Variants in ANTXRL observed in about 807,000 individuals in gnomAD.
ANTXRL encodes the protein anthrax toxin receptor-like.
A neutral mutation model predicts 75.4 loss-of-function variants in ANTXRL; 63 were observed. The ratio of observed to expected loss-of-function variants is 0.84; its 90% CI spans 0.68 to 1.03. The LOEUF (loss-of-function observed/expected upper bound fraction) is 1.03, where lower values mean the gene tolerates loss of function less well. Ranked by LOEUF, ANTXRL falls within the 50% of genes least tolerant of loss-of-function variation. The pLI is 0.00. For synonymous variants in ANTXRL, 335 were observed against 291.3 expected (o/e 1.15, Z -1.53); for missense variants, 797 against 789.4 (o/e 1.01, Z -0.12).
At chr10:46,287,534 C>T in intron 1 of ANTXRL, 24 bp downstream of exon 1, 2 of 1,524,040 alleles carry the variant, frequency 1.3e-6, no homozygotes, top group Non-Finnish European at 1.8e-6. Flanking sequence ...CTAGCTCTGG[C>T]CCTGGGTCAC....
chr10:46,294,231 T>C (rs1837232020), intron 3 of ANTXRL: 3 of 368,738 alleles, frequency 8.1e-6, no homozygotes, highest in East Asian at 1.3e-4. Context: ...GGCGGGGGTG[T>C]GTGTCCTGTG....
At chr10:46,293,700 TCAC>T in intron 2 of ANTXRL, 126 bp from the exon 3 acceptor site, 1 of 752,838 alleles carries the variant, frequency 1.3e-6, no homozygotes, top group African/African-American at 1.7e-5. Flanking sequence ...TACATTTATC[TCAC>T]CTCCTTGTGT....
Position 46,307,426 on chromosome 10 carries a change from G to T in ANTXRL, c.990G>T (p.Leu330Phe). The T allele has an allele frequency of 1.3e-6, 2 of 1,536,218 alleles. No individual in the cohort carries two copies. The highest frequency in any genetic ancestry group is 2.4e-5 in the South Asian group (2 of 84,024). ...GGGAGTACTCTATTGAAGTCAGCTT[G>T]AACAAAGGCAAAACATTCTTCAAGA... ...PGEEYSIEVSLNKGKTFFKSN... is the reference protein window; with the variant it reads ...PGEEYSIEVSFNKGKTFFKSN... The change falls in exon 12 of 17, where the codon TTG (leucine) becomes TTT (phenylalanine). Residue 330 changes from leucine (L) to phenylalanine (F), a missense_variant. Transcript: ENST00000620264.
intron 13 of ANTXRL, among the ~76,000 whole-genome samples, chr10:46,309,917 G>A (rs1476994182): frequency 6.6e-6 from 1 of 152,136 alleles, no homozygotes; most frequent in Middle Eastern, 3.2e-3. Context: ...AGATGGAAGG[G>A]GTGCTGGGAG....
At chr10:46,328,903 A>G (rs1839355774) in intron 16 of ANTXRL, among the ~76,000 whole-genome samples, 1 of 152,102 alleles carries the variant, frequency 6.6e-6, no homozygotes, top group South Asian at 2.1e-4. Flanking sequence ...GACCTTACTT[A>G]TAGTGACCCT....
intron 1 of ANTXRL, among the ~76,000 whole-genome samples, chr10:46,290,100 G>A (rs1411068416): frequency 2.1e-5 from 3 of 142,920 alleles, no homozygotes; most frequent in South Asian, 2.3e-4. Flanking sequence ...GGAGTTCAGC[G>A]GCGCGATCTC....
chr10:46,287,668 G>A (rs1482450789), intron 1 of ANTXRL, among the ~76,000 whole-genome samples, 158 bp downstream of exon 1: 1 of 152,118 alleles, frequency 6.6e-6, no homozygotes, highest in Middle Eastern at 3.2e-3. Context: ...TTTTTCTGAG[G>A]CAGAAAGAAT....
At chr10:46,324,776 G>A (rs1839136381) in intron 16 of ANTXRL, among the ~76,000 whole-genome samples, 1 of 152,102 alleles carries the variant, frequency 6.6e-6, no homozygotes, top group South Asian at 2.1e-4. Context: ...TGTCTGTAGA[G>A]AGCATAACCA....
intron 16 of ANTXRL, among the ~76,000 whole-genome samples, chr10:46,326,508 ATGGCCTTGGC>A (rs1335994315): frequency 6.6e-6 from 1 of 152,102 alleles, no homozygotes; most frequent in Non-Finnish European, 1.5e-5. Flanking sequence ...TTTGAGCACA[ATGGCCTTGGC>A]TGCCCCTAGG....
At chr10:46,293,571 G>T (rs1390996958) in intron 2 of ANTXRL, among the ~76,000 whole-genome samples, 1 of 148,302 alleles carries the variant, frequency 6.7e-6, no homozygotes, top group East Asian at 1.9e-4. Flanking sequence ...GTGCCTGTGT[G>T]TGCGCGTGTG....
intron 13 of ANTXRL, 56 bp downstream of exon 13, chr10:46,309,258 G>C: frequency 6.6e-7 from 1 of 1,524,374 alleles, no homozygotes; most frequent in Non-Finnish European, 8.7e-7. Flanking sequence ...CACCCTCTGA[G>C]GGACTCTAAC....
At chr10:46,293,410 C>A (rs111258922) in intron 2 of ANTXRL, among the ~76,000 whole-genome samples, 24,048 of 133,660 alleles carry the variant, frequency 0.18, 1,653 homozygotes, top group Non-Finnish European at 0.2. Context: ...GAGTGTGTGC[C>A]TGTGTGTGGG....
intron 13 of ANTXRL, 98 bp from the exon 14 acceptor site, chr10:46,310,363 T>C: frequency 8.7e-7 from 1 of 1,154,872 alleles, no homozygotes. Context: ...CAGTGCTCTG[T>C]CCTGGTGCTC....
rs150887384 is a variant in ANTXRL at position 46,309,539 on chromosome 10, C to G, written c.1134+337C>G. 3.9e-3 allele frequency among the ~76,000 whole-genome samples: 596 copies of G among 152,320 alleles called. 4 individuals are homozygous for G. Among genetic ancestry groups the G allele is most frequent in the African/African-American group, 0.014 (580 of 41,564 alleles). ...CAACAATCCAGACTTCTGGAAGCCT[C>G]AGATGGACAAGGGCCAGGAGGTGGC... On this transcript the variant is annotated intron_variant, in intron 13 of 16. Transcript: ENST00000620264.
At chr10:46,309,239 G>C (rs1838280887) in intron 13 of ANTXRL, 37 bp downstream of exon 13, 17 of 1,534,986 alleles carry the variant, frequency 1.1e-5, no homozygotes, top group African/African-American at 2.7e-5. Context: ...TGGGGCCCAG[G>C]CACAGGCCCA....
intron 10 of ANTXRL, among the ~76,000 whole-genome samples, chr10:46,305,650 G>T (rs10796320): frequency 6.6e-6 from 1 of 151,908 alleles, no homozygotes; most frequent in Non-Finnish European, 1.5e-5. Context: ...GCCCTCTCCC[G>T]CACTTCAGGA....
chr10:46,327,673 A>G (rs750494679), intron 16 of ANTXRL, among the ~76,000 whole-genome samples: 1 of 152,120 alleles, frequency 6.6e-6, no homozygotes, highest in Non-Finnish European at 1.5e-5. Context: ...TGTCACTCAC[A>G]TGTCCAAGGG....
In ANTXRL at chr10:46,287,204, T is replaced by C; in HGVS notation, c.-59T>C. The C allele has an allele frequency of 1.3e-6, 2 of 1,519,036 alleles. No individual in the cohort carries two copies. Among genetic ancestry groups the C allele is most frequent in the Middle Eastern group, 2.0e-4 (1 of 5,046 alleles). The allele number at this position is 1,519,036 out of a possible 1,614,324, so 94.1% of individuals were successfully genotyped here. A position where few individuals can be genotyped will look rare whatever the true frequency, so the allele number is the denominator to read the frequency against. On this transcript the variant is annotated 5_prime_UTR_variant, in exon 1 of 17. Transcript: ENST00000620264. ...GCAAAGAAGGGGCCTGTGCTCAGCC[T>C]CTCTGGGCCCTGGCACAGGCACCCA...
intron 5 of ANTXRL, 61 bp from the exon 6 acceptor site, chr10:46,297,191 A>T: frequency 7.1e-7 from 1 of 1,400,284 alleles, no homozygotes; most frequent in Non-Finnish European, 9.8e-7. Flanking sequence ...GGGGTTCCGG[A>T]GCTTCTGGAG....
Sources: gnomAD v4.1 joint callset for allele counts (sites outside exome capture counted in the v4.1 genomes callset) on GRCh38, gnomAD v4.1.1 for gene constraint, MANE v1.5 for transcripts, NCBI Gene and HGNC (gene_info 2026-07-23, HGNC 2026-07-21) for gene names.